The following NTM variants were observed in gnomAD, a reference collection of about 807,000 sequenced individuals.
NTM encodes the protein IgLON family member 2.
A neutral mutation model predicts 42.1 loss-of-function variants in NTM; 13 were observed. The ratio of observed to expected loss-of-function variants is 0.31; its 90% CI spans 0.20 to 0.49. The LOEUF (loss-of-function observed/expected upper bound fraction) is 0.49, where lower values mean the gene tolerates loss of function less well. Ranked by LOEUF, NTM falls within the 20% of genes least tolerant of loss-of-function variation. NTM has a pLI of 0.99. For synonymous variants in NTM, 187 were observed against 179.2 expected (o/e 1.04, Z -0.35); for missense variants, 373 against 452.8 (o/e 0.82, Z 1.60).
chr11:131,391,575 CTTTTTT>C (rs71067306), intron 1 of NTM, among the ~76,000 whole-genome samples: 1 of 108,580 alleles, frequency 9.2e-6, no homozygotes, highest in Non-Finnish European at 1.8e-5. Context: ...GTTGACAAGT[CTTTTTT>C]TTTTTTTTTT....
intron 2 of NTM, among the ~76,000 whole-genome samples, chr11:132,048,270 CCCTT>C (rs1389573963): frequency 6.6e-6 from 1 of 152,176 alleles, no homozygotes; most frequent in African/African-American, 2.4e-5. Flanking sequence ...CCTCCTCCCT[CCCTT>C]CAGCGGCAAA....
chr11:131,966,589 G>A (rs969355980), intron 2 of NTM, among the ~76,000 whole-genome samples: 1 of 152,168 alleles, frequency 6.6e-6, no homozygotes, highest in African/African-American at 2.4e-5. Flanking sequence ...TAAATTCCAG[G>A]CAGAAGGGAC....
At chr11:132,193,247 C>T (rs932214890) in intron 3 of NTM, among the ~76,000 whole-genome samples, 10 of 152,044 alleles carry the variant, frequency 6.6e-5, no homozygotes, top group Admixed American at 1.3e-4. Flanking sequence ...ATCAACCACA[C>T]ACTAAACCAT....
At chr11:132,238,063 A>G (rs1220957771) in intron 4 of NTM, among the ~76,000 whole-genome samples, 1 of 152,162 alleles carries the variant, frequency 6.6e-6, no homozygotes, top group Non-Finnish European at 1.5e-5. Context: ...CTTGGTGTGC[A>G]TTGTTTAATG....
At chr11:131,656,676 G>T (rs1262149602) in intron 1 of NTM, among the ~76,000 whole-genome samples, 1 of 152,176 alleles carries the variant, frequency 6.6e-6, no homozygotes, top group African/African-American at 2.4e-5. Context: ...AAGAGCTGGG[G>T]AGGAGGAGGA....
At chr11:131,397,727 T>A (rs966239000) in intron 1 of NTM, among the ~76,000 whole-genome samples, 1 of 152,166 alleles carries the variant, frequency 6.6e-6, no homozygotes, top group Admixed American at 6.5e-5. Context: ...TAAATGGGCT[T>A]CCTGGGGGTT....
chr11:132,333,795 AG>A (rs565410708), intron 8 of NTM, among the ~76,000 whole-genome samples: 271 of 152,336 alleles, frequency 1.8e-3, no homozygotes, highest in Non-Finnish European at 2.9e-3. Flanking sequence ...CCCCCAAATT[AG>A]GGATTTATCC....
intron 1 of NTM, among the ~76,000 whole-genome samples, chr11:131,639,685 C>T (rs1468868240): frequency 2.0e-5 from 3 of 152,152 alleles, no homozygotes; most frequent in African/African-American, 4.8e-5. Context: ...TGGCCCGGCG[C>T]GGTGGCTCAC....
At chr11:131,868,431 C>T (rs116351523) in intron 1 of NTM, among the ~76,000 whole-genome samples, 2,160 of 152,274 alleles carry the variant, frequency 0.014, 48 homozygotes, top group African/African-American at 0.049. Flanking sequence ...GCCCTCTCCA[C>T]ACCACCACAA....
In NTM at chr11:131,574,858, C is replaced by T. The variant is rs1445539254; in HGVS notation, c.82+203970C>T. On this transcript the variant is annotated intron_variant, in intron 1 of 8. Coordinates refer to ENST00000683400, the MANE Select transcript of NTM (RefSeq NM_001352005.2). ...CTCCCTCCCCACTCCCCACTGTTAC[C>T]TCTGGGAAGACCTATGCCTGGTGCT... 2.0e-5 allele frequency among the ~76,000 whole-genome samples: 3 copies of T among 152,100 alleles called. No homozygotes were observed. The South Asian group carries it at 6.2e-4, about 32-fold the overall frequency.
chr11:132,321,321 G>T (rs557648527), intron 7 of NTM, among the ~76,000 whole-genome samples: 5 of 152,262 alleles, frequency 3.3e-5, no homozygotes, highest in African/African-American at 1.2e-4. Flanking sequence ...CCAATACAGA[G>T]AAGTGCTTAA....
At chr11:131,897,682 TTA>T (rs2052517641) in intron 1 of NTM, among the ~76,000 whole-genome samples, 1 of 152,230 alleles carries the variant, frequency 6.6e-6, no homozygotes, top group South Asian at 2.1e-4. Context: ...AGTATTCTAT[TTA>T]TCACCTCTTG....
intron 4 of NTM, among the ~76,000 whole-genome samples, chr11:132,253,512 C>T (rs2092186299): frequency 6.6e-6 from 1 of 152,220 alleles, no homozygotes; most frequent in South Asian, 2.1e-4. Context: ...TGTCTAGTTA[C>T]ATACAAGGAC....
chr11:131,841,933 C>T lies in NTM; in HGVS notation c.83-69631C>T, dbSNP rs535745773. 9.2e-5 allele frequency among the ~76,000 whole-genome samples: 14 copies of T among 152,298 alleles called. No homozygotes were observed. The South Asian group carries it at 2.7e-3, about 29-fold the overall frequency. On this transcript the variant is annotated intron_variant, in intron 1 of 8. Coordinates refer to ENST00000683400, the MANE Select transcript of NTM (RefSeq NM_001352005.2). ...AGCAGGAAGAAAGTGGCAAGAGATG[C>T]CCAACAGCCATTAGGCAGGAGCCAC...
At chr11:131,726,625 C>A (rs78462765) in intron 1 of NTM, among the ~76,000 whole-genome samples, 2,491 of 151,330 alleles carry the variant, frequency 0.016, 226 homozygotes, top group African/African-American at 0.058. Context: ...TAGGAATTTC[C>A]TTGTTGGCTC....
intron 1 of NTM, among the ~76,000 whole-genome samples, chr11:131,470,080 T>C (rs997109084): frequency 2.6e-5 from 4 of 152,218 alleles, no homozygotes; most frequent in South Asian, 2.1e-4. Flanking sequence ...CTCATCTACA[T>C]GGACACTGCC....
At chr11:131,789,580 G>GA (rs2090345382) in intron 1 of NTM, among the ~76,000 whole-genome samples, 1 of 57,464 alleles carries the variant, frequency 1.7e-5, no homozygotes, top group African/African-American at 1.0e-4. Flanking sequence ...AGAAGAAGAA[G>GA]AAGAAGAAGA....
In NTM at chr11:132,292,748, C is replaced by T. The variant is rs1043480204; in HGVS notation, c.527-14941C>T. Among the ~76,000 whole-genome samples the T allele has an allele frequency of 4.3e-5, 5 of 115,192 alleles. No individual in the cohort carries two copies. In the East Asian group the frequency reaches 7.6e-4, roughly 17 times the overall value. The allele number at this position is 115,192 out of a possible 152,430, so 75.6% of individuals were successfully genotyped here. A position where few individuals can be genotyped will look rare whatever the true frequency, so the allele number is the denominator to read the frequency against. ...TTTCCAGGGAGAGAGAACAATGATG[C>T]GTTATAAAATATAAATTTTATCAAA... On this transcript the variant is annotated intron_variant, in intron 4 of 8. Transcript: ENST00000683400.
At chr11:131,757,208 A>G (rs898792737) in intron 1 of NTM, among the ~76,000 whole-genome samples, 1 of 152,234 alleles carries the variant, frequency 6.6e-6, no homozygotes, top group African/African-American at 2.4e-5. Flanking sequence ...AGGTAGCTGC[A>G]GCTCTTGCCA....
Sources: gnomAD v4.1 joint callset for allele counts (sites outside exome capture counted in the v4.1 genomes callset) on GRCh38, gnomAD v4.1.1 for gene constraint, MANE v1.5 for transcripts, NCBI Gene and HGNC (gene_info 2026-07-23, HGNC 2026-07-21) for gene names.